DNAH9: variants seen among roughly 807,000 people sequenced by gnomAD.
DNAH9 encodes the protein DNAH9 variant protein.
Under a neutral mutation model 471.6 loss-of-function variants are expected in DNAH9, and 345 were observed. The observed-to-expected ratio is 0.73, with a 90% CI of 0.67 to 0.80. The LOEUF is 0.80. Ranked by LOEUF, DNAH9 falls within the 30% of genes least tolerant of loss-of-function variation. DNAH9 has a pLI of 0.00. For synonymous variants in DNAH9, 2,093 were observed against 2,123.6 expected (o/e 0.99, Z 0.40); for missense variants, 5,407 against 5,609.2 (o/e 0.96, Z 1.15).
intron 22 of DNAH9, among the ~76,000 whole-genome samples, 181 bp downstream of exon 22, chr17:11,694,628 T>TGCTTTC (rs879447481): frequency 0.28 from 2,104 of 7,432 alleles, 700 homozygotes; most frequent in Non-Finnish European, 0.61. Context: ...CTTTCTTGCT[T>TGCTTTC]TCTTGCTTTC....
Position 11,689,995 on chromosome 17 carries a change from G to C in DNAH9, c.4173G>C (p.Gln1391His). The change falls in exon 20 of 69, where the codon CAG becomes CAC. Residue 1391 changes from glutamine (Q) to histidine (H), a missense_variant. Gln to His is a conservative substitution (Grantham distance 24, BLOSUM62 0). This residue lies in a region of DNAH9 where 4,636 missense variants were observed against 4,900.3 expected (regional missense o/e 0.95). Transcript: ENST00000262442. ...AGCGGCACTGGAGGCAGCTGATGCA[G>C]GCCACCGGTGTGAGCTTCACTATGG... ...IRERHWRQLM[Q>H]ATGVSFTMDQ... The C allele has an allele frequency of 1.2e-6, 2 of 1,614,174 alleles. No individual in the cohort carries two copies. Among genetic ancestry groups the C allele is most frequent in the South Asian group, 1.1e-5 (1 of 91,076 alleles).
intron 22 of DNAH9, among the ~76,000 whole-genome samples, chr17:11,699,264 A>G (rs1401659617): frequency 6.6e-6 from 1 of 150,984 alleles, no homozygotes; most frequent in Non-Finnish European, 1.5e-5. Flanking sequence ...ATAAAAATAA[A>G]AAAAGACTGG....
At chr17:11,725,960 A>G (rs534370999) in intron 27 of DNAH9, among the ~76,000 whole-genome samples, 1 of 152,318 alleles carries the variant, frequency 6.6e-6, no homozygotes, top group South Asian at 2.1e-4. Flanking sequence ...TGCTCTGCTC[A>G]TGTTCTCTGC....
At chr17:11,909,829 A>G (rs897102199) in intron 61 of DNAH9, among the ~76,000 whole-genome samples, 3 of 152,238 alleles carry the variant, frequency 2.0e-5, no homozygotes, top group African/African-American at 7.2e-5. Flanking sequence ...TCATAAGGCT[A>G]TGTGACCATC....
Position 11,747,740 on chromosome 17 carries a change from A to G in DNAH9, c.6584A>G (p.Asn2195Ser), listed in dbSNP as rs3744581. Residue 2195 changes from asparagine (N) to serine (S), a missense_variant, in exon 32 of 69, where the codon AAT becomes AGT. Asn to Ser is a conservative substitution (Grantham distance 46). This residue lies in a region of DNAH9 where 4,636 missense variants were observed against 4,900.3 expected (regional missense o/e 0.95). Transcript: ENST00000262442. ...VTNDELFGII[N>S]PATGEWKDGL... ...AATGATGAGCTCTTTGGCATCATCA[A>G]TCCAGCCACAGGAGAATGGAAGGAT... is the stretch of plus-strand genomic sequence containing the variant. 352,363 of 1,613,082 alleles carry G rather than the reference A, an allele frequency of 0.22. 39,777 individuals are homozygous for G. Among genetic ancestry groups the G allele is most frequent in the East Asian group, 0.37 (16,691 of 44,844 alleles).
intron 26 of DNAH9, among the ~76,000 whole-genome samples, chr17:11,716,165 C>T (rs1166758727): frequency 6.7e-6 from 1 of 148,714 alleles, no homozygotes; most frequent in African/African-American, 2.5e-5. Context: ...CTCACTGCAA[C>T]CTCTGCCTCC....
At chr17:11,670,659 GGGTA>G (rs1243904668) in intron 17 of DNAH9, among the ~76,000 whole-genome samples, 1 of 151,980 alleles carries the variant, frequency 6.6e-6, no homozygotes, top group African/African-American at 2.4e-5. Flanking sequence ...GATTTTCCAA[GGGTA>G]ATGTTCAACC....
intron 49 of DNAH9, among the ~76,000 whole-genome samples, chr17:11,848,515 A>C (rs1186381041): frequency 1.3e-5 from 2 of 151,692 alleles, no homozygotes; most frequent in Non-Finnish European, 2.9e-5. Flanking sequence ...ATTATTACTA[A>C]TAATAATTTA....
At chr17:11,856,125 C>T (rs146829770) in intron 50 of DNAH9, among the ~76,000 whole-genome samples, 48 of 152,304 alleles carry the variant, frequency 3.2e-4, no homozygotes, top group Non-Finnish European at 5.6e-4. Context: ...CATGTGCCAT[C>T]TACCACATGC....
chr17:11,693,495 A>G (rs1330723577), intron 20 of DNAH9, among the ~76,000 whole-genome samples: 3 of 148,338 alleles, frequency 2.0e-5, no homozygotes, highest in African/African-American at 7.5e-5. Flanking sequence ...CTGGCCTCAA[A>G]CCATCCGCCC....
chr17:11,945,398 G>A (rs1437662630), intron 67 of DNAH9, among the ~76,000 whole-genome samples: 4 of 151,964 alleles, frequency 2.6e-5, no homozygotes, highest in East Asian at 2.0e-4. Flanking sequence ...TAAGCCAGGC[G>A]TGGTGGCGGG....
intron 26 of DNAH9, 147 bp from the exon 27 acceptor site, chr17:11,719,187 C>G (rs2075013029): frequency 1.4e-6 from 1 of 704,278 alleles, no homozygotes; most frequent in African/African-American, 1.8e-5. Context: ...AAGAGTCCTC[C>G]CCACAGTGCT....
intron 10 of DNAH9, among the ~76,000 whole-genome samples, chr17:11,643,151 T>C (rs2150688969): frequency 6.6e-6 from 1 of 152,360 alleles, no homozygotes; most frequent in Non-Finnish European, 1.5e-5. Flanking sequence ...CTTTCATTAG[T>C]GTTGTGGGAA....
chr17:11,638,626 C>A (rs920709697), intron 9 of DNAH9, among the ~76,000 whole-genome samples: 2 of 152,126 alleles, frequency 1.3e-5, no homozygotes, highest in Non-Finnish European at 2.9e-5. Flanking sequence ...ACCTTATGAT[C>A]TGCCTGCCTC....
At chr17:11,883,472 C>T in intron 55 of DNAH9, 114 bp from the exon 56 acceptor site, 1 of 1,334,372 alleles carries the variant, frequency 7.5e-7, no homozygotes, top group Non-Finnish European at 1.0e-6. Flanking sequence ...CTTTGCCATT[C>T]TGCCTCCACT....
intron 28 of DNAH9, among the ~76,000 whole-genome samples, chr17:11,728,565 A>G (rs2075198946): frequency 6.6e-6 from 1 of 151,880 alleles, no homozygotes; most frequent in Non-Finnish European, 1.5e-5. Flanking sequence ...CTCTTGAGAT[A>G]GACGTGAGTA....
At chr17:11,905,567 T>G in intron 60 of DNAH9, 94 bp from the exon 61 acceptor site, 177 of 1,300,934 alleles carry the variant, frequency 1.4e-4, no homozygotes, top group Non-Finnish European at 1.7e-4. Context: ...ACCTTGAGCA[T>G]GTTCTTTCAT....
intron 32 of DNAH9, 33 bp downstream of exon 32, chr17:11,747,799 T>G: frequency 1.3e-6 from 2 of 1,586,576 alleles, no homozygotes; most frequent in Non-Finnish European, 1.7e-6. Flanking sequence ...AGAAAGTCTC[T>G]GCTAGCCTCA....
rs767326820 is a variant in DNAH9, at chr17:11,690,203, C to A, written c.4381C>A (p.Leu1461Ile). The change falls in exon 20 of 69, where the codon CTC (leucine) becomes ATC (isoleucine). Residue 1461 changes from leucine to isoleucine, a missense_variant. Leu to Ile is a conservative substitution (Grantham distance 5, BLOSUM62 2). This residue lies in a region of DNAH9 where 4,636 missense variants were observed against 4,900.3 expected (regional missense o/e 0.95). Coordinates refer to ENST00000262442, the MANE Select transcript of DNAH9 (RefSeq NM_001372.4). ...GCCCCACCCACGGACCAATGTCCCCCTCCTGTGCTCTGATGAGGACCTCAT... is the reference window on the plus strand; with the variant it reads ...GCCCCACCCACGGACCAATGTCCCCATCCTGTGCTCTGATGAGGACCTCAT... The part of the protein sequence containing the change: ...YEPHPRTNVP[L>I]LCSDEDLIEV... 1 of 1,614,204 alleles carries A rather than the reference C, an allele frequency of 6.2e-7. No individual in the cohort carries two copies. The highest frequency in any genetic ancestry group is 1.1e-5 in the South Asian group (1 of 91,086).
Sources: gnomAD v4.1 joint callset for allele counts (sites outside exome capture counted in the v4.1 genomes callset) on GRCh38, gnomAD v4.1.1 for gene constraint, gnomAD v4.1.1 regional missense constraint, MANE v1.5 for transcripts, NCBI Gene and HGNC (gene_info 2026-07-23, HGNC 2026-07-21) for gene names.